TNIK: variants seen among roughly 807,000 people sequenced by gnomAD.
TNIK encodes the protein TRAF2 and NCK interacting kinase.
Under a neutral mutation model 191.3 loss-of-function variants are expected in TNIK, and 49 were observed. The ratio of observed to expected loss-of-function variants is 0.26; its 90% CI spans 0.20 to 0.32. The LOEUF is 0.32. Among genes scored for constraint, TNIK ranks in the 10% least tolerant of loss-of-function variants. The pLI, the probability that TNIK is intolerant of heterozygous loss-of-function variation, is 1.00. For synonymous variants in TNIK, 594 were observed against 600.9 expected, an observed-to-expected ratio of 0.99 and a Z score of 0.17; for missense variants, 1,155 against 1,702.3, an observed-to-expected ratio of 0.68 and a Z score of 5.66.
At chr3:171,167,041 C>T in intron 10 of TNIK, 54 bp downstream of exon 10, 2 of 1,573,002 alleles carry the variant, frequency 1.3e-6, no homozygotes, top group East Asian at 4.5e-5. Context: ...ATCAAGCGCC[C>T]ATGATTCACT....
rs190852771 is a variant in TNIK at position 171,449,354 on chromosome 3, T to C, written c.57+10653A>G. ...CCGTCTTCCACAATGGTTGAACTAATTTACACTCCCAACAGTGTAAAAGCG... is the reference window on the plus strand; with the variant it reads ...CCGTCTTCCACAATGGTTGAACTAACTTACACTCCCAACAGTGTAAAAGCG... On this transcript the variant is annotated intron_variant, in intron 1 of 32. Transcript: ENST00000436636. Among the ~76,000 whole-genome samples the C allele has an allele frequency of 4.2e-3, 646 of 152,350 alleles. 6 individuals carry two copies. Among genetic ancestry groups the C allele is most frequent in the African/African-American group, 0.015 (614 of 41,574 alleles).
intron 24 of TNIK, among the ~76,000 whole-genome samples, chr3:171,086,077 T>A (rs1721326283): frequency 6.6e-6 from 1 of 152,244 alleles, no homozygotes; most frequent in African/African-American, 2.4e-5. Context: ...TTTAACATCA[T>A]AAACACATCT....
intron 1 of TNIK, among the ~76,000 whole-genome samples, chr3:171,401,423 C>T (rs922204454): frequency 2.0e-5 from 3 of 152,006 alleles, no homozygotes; most frequent in East Asian, 1.9e-4. Flanking sequence ...TGCTGTCTAA[C>T]GATCACTGGT....
At chr3:171,384,362 T>C (rs1718449262) in intron 1 of TNIK, among the ~76,000 whole-genome samples, 1 of 152,228 alleles carries the variant, frequency 6.6e-6, no homozygotes, top group Admixed American at 6.5e-5. Context: ...TCTTCACCTA[T>C]AAACAGCATG....
At position 171,228,938 on chromosome 3, in the gene TNIK, A is replaced by G. The variant is rs113028041; in HGVS notation, c.124-717T>C. On this transcript the variant is annotated intron_variant, in intron 2 of 32. Coordinates refer to ENST00000436636, the MANE Select transcript of TNIK (RefSeq NM_015028.4). The stretch of plus-strand genomic sequence containing the variant: ...CAATGTCTACATGTGACTCTCAGAC[A>G]ACAGCAAAGATGGTCATACTCACTA... Among the ~76,000 whole-genome samples, 685 of 152,328 alleles carry G rather than the reference A, an allele frequency of 4.5e-3. 8 individuals are homozygous for G. The highest frequency in any genetic ancestry group is 0.016 in the African/African-American group (667 of 41,578).
At chr3:171,417,351 TA>T (rs1723220615) in intron 1 of TNIK, among the ~76,000 whole-genome samples, 1 of 152,178 alleles carries the variant, frequency 6.6e-6, no homozygotes, top group African/African-American at 2.4e-5. Context: ...CTATCTCTGC[TA>T]ACAAAGGCTT....
chr3:171,397,536 T>A (rs1720411364), intron 1 of TNIK, among the ~76,000 whole-genome samples: 1 of 152,192 alleles, frequency 6.6e-6, no homozygotes, highest in Non-Finnish European at 1.5e-5. Context: ...CAGCTACCCA[T>A]GTGAACTCCA....
rs184835093 is a variant in TNIK at position 171,270,034 on chromosome 3, C to T, written c.124-41813G>A. Among the ~76,000 whole-genome samples the T allele has an allele frequency of 1.7e-4, 26 of 152,138 alleles. No homozygotes were observed. In the South Asian group the frequency reaches 2.7e-3, roughly 16 times the overall value. On this transcript the variant is annotated intron_variant, in intron 2 of 32. Transcript: ENST00000436636. ...CTCAATAGAAAATAAACTCACACAC[C>T]CACACACATATTCACACATGCATAT...
chr3:171,168,129 G>C (rs889230309), intron 9 of TNIK, among the ~76,000 whole-genome samples: 1 of 152,226 alleles, frequency 6.6e-6, no homozygotes, highest in Non-Finnish European at 1.5e-5. Context: ...CAATGTGGCA[G>C]AAATTAATGG....
chr3:171,135,232 C>A (rs1176001741), intron 15 of TNIK, among the ~76,000 whole-genome samples: 1 of 152,196 alleles, frequency 6.6e-6, no homozygotes, highest in Non-Finnish European at 1.5e-5. Flanking sequence ...CACTTTGAGC[C>A]CCTGCCTTCC....
intron 3 of TNIK, among the ~76,000 whole-genome samples, chr3:171,220,679 A>G (rs1742193599): frequency 6.6e-6 from 1 of 152,138 alleles, no homozygotes; most frequent in South Asian, 2.1e-4. Flanking sequence ...CTGTATGCCA[A>G]TTTTGTCATC....
intron 1 of TNIK, among the ~76,000 whole-genome samples, chr3:171,457,535 A>C (rs1410433490): frequency 6.6e-6 from 1 of 152,218 alleles, no homozygotes; most frequent in Non-Finnish European, 1.5e-5. Context: ...CCAAGGGCTT[A>C]GGAACAAATG....
intron 4 of TNIK, among the ~76,000 whole-genome samples, chr3:171,208,384 C>A (rs886677176): frequency 6.6e-6 from 1 of 152,006 alleles, no homozygotes; most frequent in Non-Finnish European, 1.5e-5. Context: ...AAGAAAAATG[C>A]TTTTAAAATG....
intron 2 of TNIK, among the ~76,000 whole-genome samples, chr3:171,240,589 CTA>C (rs1255564468): frequency 2.0e-5 from 3 of 152,114 alleles, no homozygotes; most frequent in African/African-American, 7.2e-5. Flanking sequence ...CATTGCAGGT[CTA>C]GTTTCCTTCT....
chr3:171,370,207 C>T (rs1376265384), intron 1 of TNIK, among the ~76,000 whole-genome samples: 1 of 152,206 alleles, frequency 6.6e-6, no homozygotes, highest in East Asian at 1.9e-4. Context: ...AACTACCTCT[C>T]TCAGAAAGTT....
intron 1 of TNIK, among the ~76,000 whole-genome samples, chr3:171,419,114 C>A (rs73173658): frequency 6.6e-6 from 1 of 152,132 alleles, no homozygotes; most frequent in East Asian, 1.9e-4. Context: ...CTTCAAAGGG[C>A]CCGTCTCCAA....
At position 171,359,091 on chromosome 3, in the gene TNIK, T is replaced by G. The variant is rs116253294; in HGVS notation, c.123+10529A>C. Among the ~76,000 whole-genome samples the G allele has an allele frequency of 4.7e-3, 712 of 152,238 alleles. 5 individuals are homozygous for G. Among genetic ancestry groups the G allele is most frequent in the African/African-American group, 0.017 (686 of 41,536 alleles). On this transcript the variant is annotated intron_variant, in intron 2 of 32. Coordinates refer to ENST00000436636, the MANE Select transcript of TNIK (RefSeq NM_015028.4). ...TACTTAATGCTGCTGAATTGTATGCTCACTTAAAATGGCTAAGGGGGTAAT... is the reference window on the plus strand; with the variant it reads ...TACTTAATGCTGCTGAATTGTATGCGCACTTAAAATGGCTAAGGGGGTAAT...
intron 1 of TNIK, among the ~76,000 whole-genome samples, chr3:171,378,236 A>G (rs1462968407): frequency 6.6e-6 from 1 of 152,206 alleles, no homozygotes; most frequent in African/African-American, 2.4e-5. Flanking sequence ...ACTTTAAGCT[A>G]ACCAATTAAT....
intron 1 of TNIK, among the ~76,000 whole-genome samples, chr3:171,439,999 G>A (rs1270300815): frequency 1.3e-5 from 2 of 152,210 alleles, no homozygotes; most frequent in Non-Finnish European, 2.9e-5. Context: ...GTGGCACATG[G>A]TAGAAGCCTG....
Sources: gnomAD v4.1 joint callset for allele counts (sites outside exome capture counted in the v4.1 genomes callset) on GRCh38, gnomAD v4.1.1 for gene constraint, MANE v1.5 for transcripts, NCBI Gene and HGNC (gene_info 2026-07-23, HGNC 2026-07-21) for gene names.